The following SDK1 variants were observed in gnomAD, a reference collection of about 807,000 sequenced individuals.
SDK1 encodes protein sidekick-1.
A neutral mutation model predicts 245.5 loss-of-function variants in SDK1; 157 were observed. That is an observed-to-expected ratio of 0.64 (90% CI 0.56 to 0.73). The LOEUF is 0.73. Among genes scored for constraint, SDK1 ranks in the 30% least tolerant of loss-of-function variants. SDK1 has a pLI of 0.00. For missense variants in SDK1, 3,583 were observed against 3,002.3 expected (o/e 1.19, Z -4.52); for synonymous variants, 1,647 against 1,278.5 (o/e 1.29, Z -6.15).
At chr7:3,522,877 C>T (rs1782989401) in intron 1 of SDK1, among the ~76,000 whole-genome samples, 1 of 72,562 alleles carries the variant, frequency 1.4e-5, no homozygotes, top group Admixed American at 1.6e-4. Flanking sequence ...CAGCCTTTGT[C>T]TGCGGAGATC....
At chr7:3,900,998 A>G (rs1781770901) in intron 5 of SDK1, among the ~76,000 whole-genome samples, 2 of 152,084 alleles carry the variant, frequency 1.3e-5, no homozygotes. Flanking sequence ...GCGTCCAATT[A>G]AGGATTATTT....
At chr7:3,588,904 G>T (rs1780771348) in intron 1 of SDK1, among the ~76,000 whole-genome samples, 1 of 151,982 alleles carries the variant, frequency 6.6e-6, no homozygotes, top group Non-Finnish European at 1.5e-5. Context: ...ATGTGTTTTG[G>T]CTTATCAAAA....
intron 4 of SDK1, among the ~76,000 whole-genome samples, chr7:3,759,043 GGT>G (rs1469244068): frequency 6.6e-6 from 1 of 152,090 alleles, no homozygotes; most frequent in African/African-American, 2.4e-5. Context: ...AGTTTATTTA[GGT>G]GTTCAATGGT....
intron 1 of SDK1, among the ~76,000 whole-genome samples, chr7:3,488,726 T>G (rs1781778071): frequency 6.6e-6 from 1 of 152,168 alleles, no homozygotes. Flanking sequence ...TTTTAGAGGT[T>G]GTTAACTGGG....
intron 35 of SDK1, among the ~76,000 whole-genome samples, chr7:4,197,829 G>T (rs1175331289): frequency 6.6e-6 from 1 of 152,230 alleles, no homozygotes; most frequent in Non-Finnish European, 1.5e-5. Flanking sequence ...ATCTCAGGGA[G>T]ACCCCCACCC....
chr7:3,732,211 T>A (rs571757768), intron 4 of SDK1, among the ~76,000 whole-genome samples: 2 of 152,308 alleles, frequency 1.3e-5, no homozygotes, highest in South Asian at 4.1e-4. Flanking sequence ...ATTGGTAAAC[T>A]CCGACTATTT....
chr7:4,266,867 C>T lies in SDK1; in HGVS notation c.*1483C>T, dbSNP rs970937178. The T allele has an allele frequency of 3.0e-6, 3 of 985,530 alleles. No homozygotes were observed. The highest frequency in any genetic ancestry group is 3.6e-6 in the Non-Finnish European group (3 of 830,004). 61.0% of individuals were successfully genotyped at this position (985,530 alleles called of 1,614,324 possible). A position where few individuals can be genotyped will look rare whatever the true frequency, so the allele number is the denominator to read the frequency against. On this transcript the variant is annotated 3_prime_UTR_variant, in exon 45 of 45. Coordinates refer to ENST00000404826, the MANE Select transcript of SDK1 (RefSeq NM_152744.4). ...AAGACTCAAGACCACCCTGTCAGTG[C>T]CCCCCAGTGCACGGCAAACGGGCAG...
At chr7:4,177,211 T>G (rs628060) in intron 34 of SDK1, among the ~76,000 whole-genome samples, 96,676 of 152,052 alleles carry the variant, frequency 0.64, 31,225 homozygotes, top group East Asian at 0.72. Context: ...TCACGGAAGC[T>G]TTGCTGGGCT....
chr7:4,262,192 C>G (rs1405134130), intron 44 of SDK1, among the ~76,000 whole-genome samples: 1 of 151,130 alleles, frequency 6.6e-6, no homozygotes, highest in East Asian at 2.0e-4. Flanking sequence ...GCACCCACCA[C>G]CATGCCCAGC....
At chr7:3,855,401 A>T (rs1020952718) in intron 5 of SDK1, among the ~76,000 whole-genome samples, 1 of 152,164 alleles carries the variant, frequency 6.6e-6, no homozygotes, top group African/African-American at 2.4e-5. Context: ...GGAGAGGTGC[A>T]AGAACATATT....
chr7:3,678,964 G>C (rs561068288), intron 4 of SDK1, among the ~76,000 whole-genome samples: 1 of 152,056 alleles, frequency 6.6e-6, no homozygotes, highest in Admixed American at 6.6e-5. Context: ...CAAAACATAC[G>C]AGAGATTTAA....
intron 1 of SDK1, among the ~76,000 whole-genome samples, chr7:3,594,011 A>G (rs1271657274): frequency 1.3e-5 from 2 of 152,176 alleles, no homozygotes; most frequent in Non-Finnish European, 2.9e-5. Context: ...ATGATTTTTA[A>G]CATGTTTAGG....
In SDK1 at chr7:3,971,487, CT is replaced by C; in HGVS notation, c.1737del (p.Pro580LeufsTer6). The C allele has an allele frequency of 6.2e-7, 1 of 1,613,096 alleles. No homozygotes were observed. The highest frequency in any genetic ancestry group is 8.5e-7 in the Non-Finnish European group (1 of 1,179,316). On this transcript the variant is annotated frameshift_variant, in exon 12 of 45. Coordinates refer to ENST00000404826, the MANE Select transcript of SDK1 (RefSeq NM_152744.4). LOFTEE classifies it high-confidence loss of function. The stretch of plus-strand genomic sequence containing the variant: ...TCAGATCGGACGTCCATCGTCCACC[CT>C]CCTGAGGACCACGTGGTGATTAAGG... ...TVWNRTSIVH[P>X]PEDHVVIKGT... is the part of the protein sequence containing the mutation.
chr7:4,265,995 G>A lies in SDK1; in HGVS notation c.*611G>A. On this transcript the variant is annotated 3_prime_UTR_variant, in exon 45 of 45. Coordinates refer to ENST00000404826, the MANE Select transcript of SDK1 (RefSeq NM_152744.4). ...TTTCAGGTTCCTGACGGCCAGGCAG[G>A]GATGCTAAGGTGTGGCTCAGCCGTC... The A allele has an allele frequency of 1.0e-6, 1 of 985,616 alleles. No individual in the cohort carries two copies. Among genetic ancestry groups the A allele is most frequent in the Non-Finnish European group, 1.2e-6 (1 of 830,040 alleles). The allele number at this position is 985,616 out of a possible 1,614,324, so 61.1% of individuals were successfully genotyped here.
chr7:3,559,400 C>T (rs889984440), intron 1 of SDK1, among the ~76,000 whole-genome samples: 1 of 151,904 alleles, frequency 6.6e-6, no homozygotes, highest in African/African-American at 2.4e-5. Context: ...GGATCCATTT[C>T]CAGGAAAAAA....
chr7:4,204,938 C>G (rs899284968), intron 35 of SDK1, among the ~76,000 whole-genome samples: 1 of 83,014 alleles, frequency 1.2e-5, no homozygotes, highest in African/African-American at 7.1e-5. Flanking sequence ...GGCGTGTGCT[C>G]CCAACTGCCT....
chr7:3,698,836 C>A lies in SDK1; in HGVS notation c.713+56731C>A, dbSNP rs145600702. On this transcript the variant is annotated intron_variant, in intron 4 of 44. Coordinates refer to ENST00000404826, the MANE Select transcript of SDK1 (RefSeq NM_152744.4). ...CCCTGTGCTCATAACCTCATCTAAC[C>A]CTAATTAGTTCCCAAATGTCCTATC... Among the ~76,000 whole-genome samples, 864 of 152,254 alleles carry A rather than the reference C, an allele frequency of 5.7e-3. 11 individuals carry two copies. The highest frequency in any genetic ancestry group is 0.014 in the Admixed American group (216 of 15,294).
chr7:4,109,959 G>T (rs1783228877), intron 22 of SDK1, among the ~76,000 whole-genome samples: 1 of 152,170 alleles, frequency 6.6e-6, no homozygotes, highest in Non-Finnish European at 1.5e-5. Flanking sequence ...GGGAGAGGAA[G>T]AAGCTGGGGA....
At chr7:3,572,083 CTT>C (rs1562571448) in intron 1 of SDK1, among the ~76,000 whole-genome samples, 2 of 152,054 alleles carry the variant, frequency 1.3e-5, no homozygotes, top group South Asian at 2.1e-4. Flanking sequence ...TAAAATAAGA[CTT>C]TTACATCAGC....
Sources: allele counts gnomAD v4.1 joint callset (sites outside exome capture counted in the v4.1 genomes callset), GRCh38; gene constraint gnomAD v4.1.1; transcripts MANE v1.5; gene names NCBI Gene and HGNC (gene_info 2026-07-23, HGNC 2026-07-21).